The following RORA variants were observed in gnomAD, a reference collection of about 807,000 sequenced individuals.
The protein encoded by RORA is nuclear receptor ROR-alpha.
RORA carries 7 observed loss-of-function variants against 69.5 expected under a neutral mutation model. The observed-to-expected ratio is 0.10, with a 90% CI of 0.06 to 0.19. The LOEUF (loss-of-function observed/expected upper bound fraction) is 0.19. Among genes scored for constraint, RORA ranks in the 10% least tolerant of loss-of-function variants. RORA has a pLI of 1.00. For synonymous variants in RORA, 261 were observed against 240.8 expected, an observed-to-expected ratio of 1.08 and a Z score of -0.78; for missense variants, 457 against 663.0, an observed-to-expected ratio of 0.69 and a Z score of 3.41.
chr15:61,129,929 A>G (rs1293989308), intron 1 of RORA, among the ~76,000 whole-genome samples: 1 of 152,180 alleles, frequency 6.6e-6, no homozygotes, highest in African/African-American at 2.4e-5. Flanking sequence ...AATGTATTCC[A>G]TTTCCTCAGA....
chr15:60,570,459 T>C (rs1450142970), intron 2 of RORA, among the ~76,000 whole-genome samples: 1 of 152,074 alleles, frequency 6.6e-6, no homozygotes, highest in African/African-American at 2.4e-5. Flanking sequence ...GTCTCCTGAG[T>C]AGCTGGGACT....
At chr15:60,707,143 G>C (rs921977555) in intron 1 of RORA, among the ~76,000 whole-genome samples, 14 of 151,954 alleles carry the variant, frequency 9.2e-5, no homozygotes, top group African/African-American at 3.4e-4. Context: ...TGTAACCGTT[G>C]GTTTGCCACT....
chr15:61,167,482 A>ATTTTTTTTTTTTTTTTTTT (rs199752865), intron 1 of RORA, among the ~76,000 whole-genome samples: 8 of 133,652 alleles, frequency 6.0e-5, no homozygotes, highest in African/African-American at 2.3e-4. Context: ...TTTGACCAGG[A>ATTTTTTTTTTTTTTTTTTT]TTTTTTTTTT....
chr15:60,563,149 A>C (rs971684105), intron 2 of RORA, among the ~76,000 whole-genome samples: 35 of 152,208 alleles, frequency 2.3e-4, no homozygotes, highest in Non-Finnish European at 8.8e-5. Flanking sequence ...AAATCAAACT[A>C]AGGTGAATAT....
chr15:60,802,957 T>TA (rs398027555), intron 1 of RORA, among the ~76,000 whole-genome samples: 19 of 149,652 alleles, frequency 1.3e-4, no homozygotes, highest in East Asian at 3.9e-4. Flanking sequence ...GTTTCTTTTT[T>TA]AAAAAAAAAA....
At chr15:60,906,764 A>G (rs1891555709) in intron 1 of RORA, among the ~76,000 whole-genome samples, 1 of 152,176 alleles carries the variant, frequency 6.6e-6, no homozygotes, top group Non-Finnish European at 1.5e-5. Context: ...GGTTAATAAT[A>G]ACTAAGATTT....
chr15:60,889,623 G>A (rs1299187349), intron 1 of RORA, among the ~76,000 whole-genome samples: 5 of 152,220 alleles, frequency 3.3e-5, no homozygotes, highest in Non-Finnish European at 7.3e-5. Flanking sequence ...TGCGCTGTGC[G>A]GGAGGATGCC....
intron 1 of RORA, among the ~76,000 whole-genome samples, chr15:60,794,262 T>C (rs1167952133): frequency 1.3e-5 from 2 of 152,044 alleles, no homozygotes; most frequent in Non-Finnish European, 2.9e-5. Flanking sequence ...ATGAAGAGAG[T>C]AGAGAAAGGC....
At chr15:60,654,231 T>G (rs2070188522) in intron 2 of RORA, among the ~76,000 whole-genome samples, 1 of 152,248 alleles carries the variant, frequency 6.6e-6, no homozygotes, top group Non-Finnish European at 1.5e-5. Flanking sequence ...TGTTTTGATT[T>G]GTACCCTAAA....
chr15:60,907,057 C>G (rs534673028), intron 1 of RORA, among the ~76,000 whole-genome samples: 13 of 152,316 alleles, frequency 8.5e-5, no homozygotes, highest in African/African-American at 3.1e-4. Context: ...TTTTCTGACT[C>G]TGAGGCTCGT....
Position 61,128,908 on chromosome 15 carries a change from C to T in RORA, c.166+100145G>A, listed in dbSNP as rs570464223. Among the ~76,000 whole-genome samples the T allele has an allele frequency of 5.3e-5, 8 of 152,368 alleles. No homozygotes were observed. The highest frequency in any genetic ancestry group is 2.1e-4 in the South Asian group (1 of 4,832). Reference sequence around the variant, plus strand: ...TTTACATGGGACCCAAGAAGAGACACTGGCCGTGGCACCACGTGCCTGCCT... The same window carrying T: ...TTTACATGGGACCCAAGAAGAGACATTGGCCGTGGCACCACGTGCCTGCCT... On this transcript the variant is annotated intron_variant, in intron 1 of 10. Transcript: ENST00000335670. The surrounding 1 kb of genome is among the most constrained non-coding windows in gnomAD (Gnocchi z 4.5).
At chr15:60,930,527 T>C (rs16943361) in intron 1 of RORA, among the ~76,000 whole-genome samples, 4,609 of 152,222 alleles carry the variant, frequency 0.03, 89 homozygotes, top group African/African-American at 0.04. Flanking sequence ...AAAACACCTA[T>C]AGATGCAAAG....
At chr15:61,228,034 C>A (rs1220951639) in intron 1 of RORA, among the ~76,000 whole-genome samples, 1 of 148,788 alleles carries the variant, frequency 6.7e-6, no homozygotes, top group Non-Finnish European at 1.5e-5. Flanking sequence ...TCCCCCCCAA[C>A]ACACGCAGAC....
At chr15:61,228,888 G>A (rs1277722927) in intron 1 of RORA, among the ~76,000 whole-genome samples, 165 bp downstream of exon 1, 1 of 150,056 alleles carries the variant, frequency 6.7e-6, no homozygotes, top group Non-Finnish European at 1.5e-5. Flanking sequence ...CAACATTTCT[G>A]GGGGGCGGAG....
rs535907353 is a variant in RORA, at chr15:60,541,063, A to T, written c.197-9212T>A. ...ATAAGAGGATGAAGCTTTGGATGAG[A>T]GATGAGGGAAGGATCCGGTTTTTAT... is the stretch of plus-strand genomic sequence containing the variant. On this transcript the variant is annotated intron_variant, in intron 2 of 10. Coordinates refer to ENST00000335670, the MANE Select transcript of RORA (RefSeq NM_134261.3). 3.9e-5 allele frequency among the ~76,000 whole-genome samples: 6 copies of T among 152,310 alleles called. No individual in the cohort carries two copies. The East Asian group carries it at 1.2e-3, about 29-fold the overall frequency.
intron 1 of RORA, among the ~76,000 whole-genome samples, chr15:60,803,277 C>G (rs2072612818): frequency 6.6e-6 from 1 of 152,324 alleles, no homozygotes; most frequent in Middle Eastern, 3.4e-3. Context: ...GCTTCGGCCC[C>G]TTCGGACCAG....
At chr15:60,974,495 G>C (rs529409022) in intron 1 of RORA, among the ~76,000 whole-genome samples, 1 of 152,188 alleles carries the variant, frequency 6.6e-6, no homozygotes, top group Non-Finnish European at 1.5e-5. Context: ...AGTGTGATTA[G>C]CTCCCTGGGG....
At chr15:60,922,382 G>C (rs61579008) in intron 1 of RORA, among the ~76,000 whole-genome samples, 9,709 of 152,152 alleles carry the variant, frequency 0.064, 1,055 homozygotes, top group African/African-American at 0.22. Flanking sequence ...TCTGGTGGGG[G>C]ATATTCATAG....
intron 1 of RORA, among the ~76,000 whole-genome samples, chr15:60,970,050 A>C (rs1278654533): frequency 6.6e-6 from 1 of 152,202 alleles, no homozygotes; most frequent in Non-Finnish European, 1.5e-5. Context: ...GGGAAAGAAG[A>C]GGTCCTGTGA....
Sources: allele counts gnomAD v4.1 joint callset (sites outside exome capture counted in the v4.1 genomes callset), GRCh38; gene constraint gnomAD v4.1.1; non-coding constraint Gnocchi (gnomAD v3.1); transcripts MANE v1.5; gene names NCBI Gene and HGNC (gene_info 2026-07-23, HGNC 2026-07-21).